The following ADA variants were observed in gnomAD, a reference collection of about 807,000 sequenced individuals.
The protein encoded by ADA is adenosine aminohydrolase.
In ADA, 45 loss-of-function variants were observed where a neutral mutation model predicts 49.0. That is an observed-to-expected ratio of 0.92 (90% CI 0.72 to 1.18). The LOEUF is 1.18. ADA is among the 50% of genes most tolerant of loss of function. The probability of loss-of-function intolerance (pLI) is 0.00; values close to 1 mark genes in which losing one functional copy is unlikely to be tolerated. For missense variants in ADA, 445 were observed against 472.5 expected (o/e 0.94, Z 0.54); for synonymous variants, 173 against 184.2 (o/e 0.94, Z 0.49).
At chr20:44,649,317 G>A (rs1198091499) in intron 1 of ADA, among the ~76,000 whole-genome samples, 1 of 152,056 alleles carries the variant, frequency 6.6e-6, no homozygotes, top group Non-Finnish European at 1.5e-5. Context: ...TCTGGTCACA[G>A]TGGCTCTGAG....
chr20:44,636,299 G>A lies in ADA; in HGVS notation c.34-11C>T. On this transcript the variant is annotated splice_polypyrimidine_tract_variant and intron_variant, in intron 1 of 11. Coordinates refer to ENST00000372874, the MANE Select transcript of ADA (RefSeq NM_000022.4). ...GACATGCAGTTCCACCTGCAAGGGG[G>A]CAGGGGGAAGAGAGAGAGAAAGGGA... The A allele has an allele frequency of 1.3e-6, 2 of 1,595,430 alleles. No homozygotes were observed. Among genetic ancestry groups the A allele is most frequent in the Admixed American group, 1.7e-5 (1 of 57,756 alleles).
intron 5 of ADA, among the ~76,000 whole-genome samples, chr20:44,625,163 A>T (rs970700249): frequency 1.3e-5 from 2 of 152,210 alleles, no homozygotes; most frequent in African/African-American, 4.8e-5. Flanking sequence ...TAGAGATCTG[A>T]TCTGCGTCAG....
chr20:44,621,153 G>A lies in ADA; in HGVS notation c.846-6C>T. Reference sequence around the variant, plus strand: ...TAGCCTGGTCATTTTTGAGCCTGCAGAAGAGGGAGGAGGAGAGAATCAGCC... The same window carrying A: ...TAGCCTGGTCATTTTTGAGCCTGCAAAAGAGGGAGGAGGAGAGAATCAGCC... On this transcript the variant is annotated splice_region_variant and splice_polypyrimidine_tract_variant and intron_variant, in intron 9 of 11. Coordinates refer to ENST00000372874, the MANE Select transcript of ADA (RefSeq NM_000022.4). 6.2e-7 allele frequency: 1 copy of A among 1,614,194 alleles called. No individual in the cohort carries two copies. Among genetic ancestry groups the A allele is most frequent in the Non-Finnish European group, 8.5e-7 (1 of 1,180,036 alleles).
chr20:44,645,497 C>G (rs1219998266), intron 1 of ADA, among the ~76,000 whole-genome samples: 1 of 152,116 alleles, frequency 6.6e-6, no homozygotes, highest in Admixed American at 6.6e-5. Context: ...TGGCGCACAC[C>G]TGTAATCCCA....
chr20:44,651,445 G>T, intron 1 of ADA, 130 bp downstream of exon 1: 1 of 955,406 alleles, frequency 1.0e-6, no homozygotes, highest in Admixed American at 2.4e-5. Flanking sequence ...GGCCTAAGCC[G>T]AAGGAAGAAC....
chr20:44,624,013 T>A, intron 6 of ADA, 189 bp downstream of exon 6: 2 of 771,506 alleles, frequency 2.6e-6, no homozygotes, highest in Non-Finnish European at 4.2e-6. Flanking sequence ...CCCAAAGTGC[T>A]GGGATCACAG....
At chr20:44,642,032 T>C (rs1456502122) in intron 1 of ADA, among the ~76,000 whole-genome samples, 1 of 152,148 alleles carries the variant, frequency 6.6e-6, no homozygotes, top group Non-Finnish European at 1.5e-5. Flanking sequence ...CCTCCCAAAG[T>C]GTTATGATTA....
At chr20:44,630,187 A>C (rs1400110899) in intron 2 of ADA, among the ~76,000 whole-genome samples, 5 of 151,994 alleles carry the variant, frequency 3.3e-5, no homozygotes, top group African/African-American at 1.2e-4. Context: ...TCTACCAAAA[A>C]TACAAAAATT....
intron 1 of ADA, among the ~76,000 whole-genome samples, chr20:44,641,277 C>CT (rs200023323): frequency 1.3e-3 from 193 of 152,110 alleles, no homozygotes; most frequent in Non-Finnish European, 2.3e-3. Flanking sequence ...AGGTGGAGGA[C>CT]TTTTTTTAAA....
chr20:44,638,804 A>G (rs529510220), intron 1 of ADA, among the ~76,000 whole-genome samples: 1 of 152,296 alleles, frequency 6.6e-6, no homozygotes, highest in Admixed American at 6.5e-5. Flanking sequence ...GGTAACAAAC[A>G]AGAGAAGTGA....
intron 9 of ADA, among the ~76,000 whole-genome samples, chr20:44,621,928 AC>A (rs2065335948): frequency 1.3e-5 from 2 of 151,754 alleles, no homozygotes; most frequent in Admixed American, 6.6e-5. Flanking sequence ...AAGCCCCAAG[AC>A]CCCCTTGTCA....
intron 6 of ADA, 90 bp downstream of exon 6, chr20:44,624,112 T>C (rs1188150637): frequency 2.4e-5 from 37 of 1,517,232 alleles, no homozygotes; most frequent in South Asian, 3.6e-5. Context: ...GGAGACACCA[T>C]GGTCCCTGGT....
chr20:44,636,042 G>T, intron 2 of ADA, 185 bp downstream of exon 2: 1 of 634,086 alleles, frequency 1.6e-6, no homozygotes, highest in South Asian at 1.9e-5. Flanking sequence ...GAGTTGGTCT[G>T]CGGGTCTCCA....
chr20:44,634,612 G>C (rs1336776481), intron 2 of ADA, among the ~76,000 whole-genome samples: 1 of 152,258 alleles, frequency 6.6e-6, no homozygotes, highest in Non-Finnish European at 1.5e-5. Flanking sequence ...GCACTTAAAG[G>C]AGTGTTTGGC....
Position 44,627,926 on chromosome 20 carries a change from AC to A in ADA, c.218+1120del, listed in dbSNP as rs377352447. Among the ~76,000 whole-genome samples, 779 of 152,276 alleles carry A rather than the reference AC, an allele frequency of 5.1e-3. 3 individuals are homozygous for A. Among genetic ancestry groups the A allele is most frequent in the African/African-American group, 0.017 (724 of 41,556 alleles). Reference sequence around the variant, plus strand: ...AAATGAGTCAAACTTCATAAACCCCACCCGGGTCAGTGCTTGGAGCAGAGCG... The same window carrying A: ...AAATGAGTCAAACTTCATAAACCCCACCGGGTCAGTGCTTGGAGCAGAGCG... On this transcript the variant is annotated intron_variant, in intron 3 of 11. Transcript: ENST00000372874.
At position 44,636,273 on chromosome 20, in the gene ADA, G is replaced by A. The variant is rs1270198057; in HGVS notation, c.49C>T (p.His17Tyr). The A allele has an allele frequency of 6.2e-7, 1 of 1,608,638 alleles. No homozygotes were observed. Among genetic ancestry groups the A allele is most frequent in the Non-Finnish European group, 8.5e-7 (1 of 1,177,034 alleles). ...FDKPKVELHV[H>Y]LDGSIKPETI... Reference sequence around the variant, plus strand: ...TCAGGCTTGATGGATCCGTCTAGGTGGACATGCAGTTCCACCTGCAAGGGG... The same window carrying A: ...TCAGGCTTGATGGATCCGTCTAGGTAGACATGCAGTTCCACCTGCAAGGGG... The change falls in exon 2 of 12, where the codon CAC (histidine) becomes TAC (tyrosine). Residue 17 changes from histidine to tyrosine, a missense_variant. Coordinates refer to ENST00000372874, the MANE Select transcript of ADA (RefSeq NM_000022.4).
chr20:44,621,297 A>G (rs1055558046), intron 9 of ADA, 150 bp from the exon 10 acceptor site: 67 of 1,081,370 alleles, frequency 6.2e-5, no homozygotes, highest in Admixed American at 1.2e-4. Context: ...AAATAAATTC[A>G]GAACTTAGGT....
rs547460442 is a variant in ADA, at chr20:44,627,064, G to A, written c.219-465C>T. 4.6e-5 allele frequency among the ~76,000 whole-genome samples: 7 copies of A among 152,052 alleles called. No homozygotes were observed. The South Asian group carries it at 1.0e-3, about 23-fold the overall frequency. ...TTCTCCCTCATTCCCTGAGGCCACC[G>A]GAGAAGACACAGGCCTGCTCTTCCC... On this transcript the variant is annotated intron_variant, in intron 3 of 11. Transcript: ENST00000372874.
chr20:44,628,923 A>G (rs950498477), intron 3 of ADA, 124 bp downstream of exon 3: 13 of 1,451,846 alleles, frequency 9.0e-6, no homozygotes, highest in Non-Finnish European at 1.1e-5. Flanking sequence ...AGTGTACACA[A>G]TGGTGAGAAA....
Sources: gnomAD v4.1 joint callset for allele counts (sites outside exome capture counted in the v4.1 genomes callset) on GRCh38, gnomAD v4.1.1 for gene constraint, MANE v1.5 for transcripts, NCBI Gene and HGNC (gene_info 2026-07-23, HGNC 2026-07-21) for gene names.